The following ZNF385D variants were observed in gnomAD, a reference collection of about 807,000 sequenced individuals.
ZNF385D encodes the protein zinc finger protein 385D.
In ZNF385D, 15 loss-of-function variants were observed where a neutral mutation model predicts 35.8. The ratio of observed to expected loss-of-function variants is 0.42; its 90% confidence interval spans 0.28 to 0.64. The LOEUF (loss-of-function observed/expected upper bound fraction) is 0.64, where lower values mean the gene tolerates loss of function less well. Among genes scored for constraint, ZNF385D ranks in the 30% least tolerant of loss-of-function variants. The pLI is 0.23. For missense variants in ZNF385D, 474 were observed against 494.6 expected, an observed-to-expected ratio of 0.96 and a Z score of 0.39; for synonymous variants, 212 against 186.8, an observed-to-expected ratio of 1.13 and a Z score of -1.10.
chr3:22,218,741 C>T (rs1044803100), intron 2 of ZNF385D, among the ~76,000 whole-genome samples: 1 of 152,072 alleles, frequency 6.6e-6, no homozygotes, highest in Non-Finnish European at 1.5e-5. Flanking sequence ...TTTCTCCTGG[C>T]TCTCAGCAAC....
chr3:22,222,819 C>T (rs1351252004), intron 2 of ZNF385D, among the ~76,000 whole-genome samples: 1 of 152,110 alleles, frequency 6.6e-6, no homozygotes. Flanking sequence ...GACATAATTG[C>T]TCTGTATTGC....
At chr3:21,970,935 A>G (rs1016525017) in intron 3 of ZNF385D, among the ~76,000 whole-genome samples, 3 of 152,196 alleles carry the variant, frequency 2.0e-5, no homozygotes, top group Admixed American at 1.3e-4. Flanking sequence ...AAAAGAAAAA[A>G]AAAACTTTCA....
At chr3:21,612,147 C>T (rs1559458872) in intron 2 of ZNF385D, among the ~76,000 whole-genome samples, 1 of 152,264 alleles carries the variant, frequency 6.6e-6, no homozygotes, top group Middle Eastern at 3.4e-3. Context: ...AGCATGATCT[C>T]GGCTCAGTGC....
intron 3 of ZNF385D, among the ~76,000 whole-genome samples, chr3:22,135,436 C>A (rs1441789987): frequency 6.6e-6 from 1 of 152,066 alleles, no homozygotes; most frequent in Non-Finnish European, 1.5e-5. Context: ...TGTAACACCT[C>A]AGTATAAATC....
chr3:21,771,256 T>C (rs1465728488), intron 3 of ZNF385D, among the ~76,000 whole-genome samples: 12 of 148,272 alleles, frequency 8.1e-5, no homozygotes, highest in Admixed American at 2.0e-4. Flanking sequence ...AAAAAAAACC[T>C]GAGGAAGCCT....
intron 3 of ZNF385D, among the ~76,000 whole-genome samples, chr3:21,807,094 G>A (rs1443179139): frequency 6.6e-6 from 1 of 152,126 alleles, no homozygotes; most frequent in African/African-American, 2.4e-5. Flanking sequence ...GTGCCATCCA[G>A]TAAAAATATA....
rs1167334857 is a variant in ZNF385D at position 21,419,547 on chromosome 3, A to T, written c.*1667T>A. The T allele has an allele frequency of 6.6e-6, 1 of 152,086 alleles. No homozygotes were observed. The highest frequency in any genetic ancestry group is 2.4e-5 in the African/African-American group (1 of 41,442). The allele number at this position is 152,086 out of a possible 1,614,324, so 9.4% of individuals were successfully genotyped here. ...CTATATTTTTAAATAGTCTTTAGAA[A>T]ACCTTTTCAAAAATAGTTTTTTCTC... is the stretch of plus-strand genomic sequence containing the variant. On this transcript the variant is annotated 3_prime_UTR_variant, in exon 8 of 8. Coordinates refer to ENST00000281523, the MANE Select transcript of ZNF385D (RefSeq NM_024697.3).
intron 3 of ZNF385D, among the ~76,000 whole-genome samples, chr3:21,774,497 C>A (rs1292323212): frequency 9.2e-5 from 14 of 151,670 alleles, no homozygotes; most frequent in Admixed American, 9.2e-4. Context: ...AAATGGAGGC[C>A]AATGGGATGC....
At chr3:21,954,480 G>A (rs1177786704) in intron 3 of ZNF385D, among the ~76,000 whole-genome samples, 1 of 151,918 alleles carries the variant, frequency 6.6e-6, no homozygotes, top group Non-Finnish European at 1.5e-5. Flanking sequence ...TCAACCTGGA[G>A]GTTTCTAAAC....
chr3:22,203,124 A>G (rs996526998), intron 2 of ZNF385D, among the ~76,000 whole-genome samples: 1 of 152,066 alleles, frequency 6.6e-6, no homozygotes, highest in Non-Finnish European at 1.5e-5. Flanking sequence ...CAGCTCCAAA[A>G]GATAACGTCC....
At chr3:21,872,008 A>T (rs1218775712) in intron 3 of ZNF385D, among the ~76,000 whole-genome samples, 1 of 152,094 alleles carries the variant, frequency 6.6e-6, no homozygotes, top group Admixed American at 6.6e-5. Flanking sequence ...CAGAAAAAAA[A>T]ATACCCCATC....
intron 3 of ZNF385D, among the ~76,000 whole-genome samples, chr3:21,761,593 GA>G (rs1182815477): frequency 6.6e-6 from 1 of 152,048 alleles, no homozygotes; most frequent in Non-Finnish European, 1.5e-5. Context: ...AGAGGTGAGA[GA>G]AGTAATACAG....
chr3:22,338,187 T>C (rs1020565585), intron 2 of ZNF385D, among the ~76,000 whole-genome samples: 2 of 152,198 alleles, frequency 1.3e-5, no homozygotes, highest in Non-Finnish European at 2.9e-5. Context: ...TAGATCTCTT[T>C]TAAGTAATTA....
At chr3:21,924,877 T>C (rs549883254) in intron 3 of ZNF385D, among the ~76,000 whole-genome samples, 1 of 152,244 alleles carries the variant, frequency 6.6e-6, no homozygotes, top group Non-Finnish European at 1.5e-5. Context: ...ACTTCTACCC[T>C]ACCTGGCAGT....
chr3:22,061,129 T>G (rs559182082), intron 3 of ZNF385D, among the ~76,000 whole-genome samples: 1 of 152,138 alleles, frequency 6.6e-6, no homozygotes, highest in African/African-American at 2.4e-5. Flanking sequence ...TTAAATTAAA[T>G]TAAATTAAAT....
At chr3:21,721,303 A>G (rs888887910) in intron 1 of ZNF385D, among the ~76,000 whole-genome samples, 44 of 152,146 alleles carry the variant, frequency 2.9e-4, no homozygotes, top group Admixed American at 2.2e-3. Flanking sequence ...AGTGGGTGAG[A>G]TAAGAATATT....
intron 2 of ZNF385D, among the ~76,000 whole-genome samples, chr3:22,266,183 T>A (rs1700886128): frequency 6.6e-6 from 1 of 151,974 alleles, no homozygotes; most frequent in Non-Finnish European, 1.5e-5. Context: ...CTTCATACAT[T>A]TCATTGTCTC....
chr3:21,818,938 T>A (rs1399969989), intron 3 of ZNF385D, among the ~76,000 whole-genome samples: 1 of 152,034 alleles, frequency 6.6e-6, no homozygotes, highest in Non-Finnish European at 1.5e-5. Context: ...TAACATCAAA[T>A]AATAACATAG....
chr3:21,800,476 A>AT (rs375367205), intron 3 of ZNF385D, among the ~76,000 whole-genome samples: 7 of 151,934 alleles, frequency 4.6e-5, no homozygotes, highest in African/African-American at 4.8e-5. Context: ...TAGTAGGTTA[A>AT]TTTTTTTTCC....
Sources: gnomAD v4.1 joint callset for allele counts (sites outside exome capture counted in the v4.1 genomes callset) on GRCh38, gnomAD v4.1.1 for gene constraint, MANE v1.5 for transcripts, NCBI Gene and HGNC (gene_info 2026-07-23, HGNC 2026-07-21) for gene names.